Variants in RBFOX1 observed in about 807,000 individuals in gnomAD.
The protein encoded by RBFOX1 is RNA binding fox-1 homolog 1, also known as RNA binding protein fox-1 homolog 1.
A neutral mutation model predicts 57.7 loss-of-function variants in RBFOX1; 8 were observed. The ratio of observed to expected loss-of-function variants is 0.14; its 90% CI spans 0.08 to 0.25. The LOEUF is 0.25. Ranked by LOEUF, RBFOX1 falls within the 10% of genes least tolerant of loss-of-function variation. The probability of loss-of-function intolerance (pLI) is 1.00; values close to 1 mark genes in which losing one functional copy is unlikely to be tolerated. For missense variants in RBFOX1, 611 were observed against 548.5 expected (o/e 1.11, Z -1.14); for synonymous variants, 326 against 222.4 (o/e 1.47, Z -4.15).
chr16:6,970,508 C>A (rs144803822), intron 3 of RBFOX1, among the ~76,000 whole-genome samples: 2 of 152,210 alleles, frequency 1.3e-5, no homozygotes, highest in Non-Finnish European at 2.9e-5. Flanking sequence ...ATTCTAAGAT[C>A]AGAGACATCA....
chr16:7,011,491 T>A (rs944212272), intron 3 of RBFOX1, among the ~76,000 whole-genome samples: 1 of 151,968 alleles, frequency 6.6e-6, no homozygotes, highest in Non-Finnish European at 1.5e-5. Flanking sequence ...GTTTGTTTGT[T>A]TTTGTTGTGC....
intron 4 of RBFOX1, among the ~76,000 whole-genome samples, chr16:7,286,082 C>G (rs1421679270): frequency 1.3e-5 from 2 of 152,156 alleles, no homozygotes; most frequent in Non-Finnish European, 2.9e-5. Flanking sequence ...TAATTTACCA[C>G]TCTATAAATA....
intron 4 of RBFOX1, among the ~76,000 whole-genome samples, chr16:7,176,885 A>C (rs1315593461): frequency 6.6e-6 from 1 of 152,340 alleles, no homozygotes; most frequent in Non-Finnish European, 1.5e-5. Context: ...ATGGGGGGAG[A>C]GGAAAATTTT....
intron 3 of RBFOX1, among the ~76,000 whole-genome samples, chr16:6,829,506 T>A (rs2092530662): frequency 6.7e-6 from 1 of 150,304 alleles, no homozygotes. Flanking sequence ...CAAAAAAACG[T>A]TAACTTATAG....
At position 6,576,287 on chromosome 16, in the gene RBFOX1, C is replaced by T. The variant is rs571028196; in HGVS notation, c.-63-78316C>T. 3.9e-5 allele frequency among the ~76,000 whole-genome samples: 6 copies of T among 152,272 alleles called. No homozygotes were observed. The South Asian group carries it at 8.3e-4, about 21-fold the overall frequency. On this transcript the variant is annotated intron_variant, in intron 2 of 15. Coordinates refer to ENST00000550418, the MANE Select transcript of RBFOX1 (RefSeq NM_018723.4). ...GGATGTGCTGACACACACACTCACTCATGCTGAGACGACGTAGACATGCCA... is the reference window on the plus strand; with the variant it reads ...GGATGTGCTGACACACACACTCACTTATGCTGAGACGACGTAGACATGCCA...
chr16:5,733,318 G>C (rs1451956723), intron 3 of RBFOX1, among the ~76,000 whole-genome samples: 1 of 152,174 alleles, frequency 6.6e-6, no homozygotes, highest in Non-Finnish European at 1.5e-5. Flanking sequence ...CTAGGCTGTG[G>C]GTGGACTCAT....
At chr16:7,360,765 T>A (rs1414508240) in intron 4 of RBFOX1, among the ~76,000 whole-genome samples, 1 of 152,194 alleles carries the variant, frequency 6.6e-6, no homozygotes, top group African/African-American at 2.4e-5. Flanking sequence ...TTCCTATCTG[T>A]GTTGGCCAAG....
rs571490962 is a variant in RBFOX1, at chr16:5,649,789, G to T, written c.318+50828G>T. On this transcript the variant is annotated intron_variant, in intron 3 of 19. Transcript: ENST00000641259. ...CGCTGTTTTCACTCAACAACTGCTT[G>T]TGTTGACAACATGTACATGGGGTGG... is the stretch of plus-strand genomic sequence containing the variant. Among the ~76,000 whole-genome samples the T allele has an allele frequency of 3.3e-5, 5 of 152,338 alleles. 1 individual carries two copies. The South Asian group carries it at 1.0e-3, about 32-fold the overall frequency.
intron 3 of RBFOX1, among the ~76,000 whole-genome samples, chr16:6,931,270 A>ATCT (rs1331520178): frequency 4.1e-5 from 6 of 147,854 alleles, no homozygotes; most frequent in African/African-American, 1.5e-4. Context: ...AAAAAAAAAA[A>ATCT]ATCTATCTAT....
chr16:6,147,425 C>A (rs754149657), intron 1 of RBFOX1, among the ~76,000 whole-genome samples: 20 of 152,142 alleles, frequency 1.3e-4, no homozygotes, highest in Non-Finnish European at 1.6e-4. Flanking sequence ...GGACATGGTT[C>A]TGCAAAACTC....
intron 3 of RBFOX1, among the ~76,000 whole-genome samples, chr16:5,816,139 C>T (rs1353099115): frequency 6.6e-6 from 1 of 152,114 alleles, no homozygotes; most frequent in African/African-American, 2.4e-5. Context: ...AACAGGGAGT[C>T]AGCATTAACC....
intron 4 of RBFOX1, among the ~76,000 whole-genome samples, chr16:7,107,063 T>C (rs1288356722): frequency 6.6e-6 from 1 of 151,852 alleles, no homozygotes; most frequent in Non-Finnish European, 1.5e-5. Context: ...TGTCAGGAAA[T>C]ACTTCTATAA....
chr16:5,299,549 C>T (rs972253976), intron 1 of RBFOX1, among the ~76,000 whole-genome samples: 4 of 152,206 alleles, frequency 2.6e-5, no homozygotes, highest in East Asian at 1.9e-4. Flanking sequence ...TGACAAGCCA[C>T]GTATGAAAGT....
intron 3 of RBFOX1, among the ~76,000 whole-genome samples, chr16:6,823,474 C>T (rs1017930644): frequency 6.6e-6 from 1 of 152,126 alleles, no homozygotes. Flanking sequence ...CCACGCTAGT[C>T]TCAAACTACT....
chr16:6,479,648 T>A (rs932118871), intron 2 of RBFOX1, among the ~76,000 whole-genome samples: 1 of 152,070 alleles, frequency 6.6e-6, no homozygotes. Flanking sequence ...TCACCCACTA[T>A]CATGAGAACA....
intron 4 of RBFOX1, among the ~76,000 whole-genome samples, chr16:7,302,571 T>C (rs1366117316): frequency 6.6e-6 from 1 of 151,944 alleles, no homozygotes; most frequent in Non-Finnish European, 1.5e-5. Flanking sequence ...GCAAGGTTTC[T>C]TTCAGGAAGC....
chr16:5,376,751 G>A (rs1039242823), intron 1 of RBFOX1, among the ~76,000 whole-genome samples: 1 of 147,426 alleles, frequency 6.8e-6, no homozygotes, highest in African/African-American at 2.7e-5. Flanking sequence ...ACCCATGACT[G>A]TCTGCTGAGT....
At chr16:5,350,503 GCT>G (rs2065238903) in intron 1 of RBFOX1, among the ~76,000 whole-genome samples, 2 of 152,154 alleles carry the variant, frequency 1.3e-5, no homozygotes, top group Non-Finnish European at 2.9e-5. Context: ...GTCAGCCTTT[GCT>G]CTTTGTTGGA....
chr16:6,072,950 T>A (rs1016438112), intron 1 of RBFOX1, among the ~76,000 whole-genome samples: 2 of 152,206 alleles, frequency 1.3e-5, no homozygotes, highest in African/African-American at 4.8e-5. Context: ...ACGTTAAATA[T>A]GTGCAGTATT....
Sources: allele counts gnomAD v4.1 joint callset (sites outside exome capture counted in the v4.1 genomes callset), GRCh38; gene constraint gnomAD v4.1.1; transcripts MANE v1.5; gene names NCBI Gene and HGNC (gene_info 2026-07-23, HGNC 2026-07-21).